Variants in DMD observed in about 807,000 individuals in gnomAD.
The protein encoded by DMD is dystrophin.
In DMD, 63 loss-of-function variants were observed where a neutral mutation model predicts 330.1. That is an observed-to-expected ratio of 0.19 (90% CI 0.16 to 0.24). The LOEUF (loss-of-function observed/expected upper bound fraction) is 0.24. DMD is among the 10% of genes least tolerant of loss of function. The pLI, the probability that DMD is intolerant of heterozygous loss-of-function variation, is 1.00. For synonymous variants in DMD, 1,223 were observed against 959.8 expected (o/e 1.27, Z -5.07); for missense variants, 3,344 against 2,684.1 (o/e 1.25, Z -5.43).
chrX:31,434,584 T>G (rs1388049315), intron 60 of DMD, among the ~76,000 whole-genome samples: 1 of 111,263 alleles, frequency 9.0e-6, no homozygotes, highest in African/African-American at 3.3e-5. Context: ...CAAGAAACCA[T>G]AACCTCCATG....
At chrX:33,326,604 A>G (rs1023598048) in intron 1 of DMD, among the ~76,000 whole-genome samples, 2 of 112,022 alleles carry the variant, frequency 1.8e-5, no homozygotes, top group Non-Finnish European at 3.8e-5. Context: ...GATTAGACTG[A>G]GCACATGGCA....
chrX:31,190,403 C>T (rs1299452336), intron 67 of DMD, among the ~76,000 whole-genome samples: 1 of 109,413 alleles, frequency 9.1e-6, no homozygotes, highest in African/African-American at 3.3e-5. Flanking sequence ...TGCACTGCTG[C>T]AGTCCTAACA....
At chrX:32,853,889 T>A (rs945188370) in intron 2 of DMD, among the ~76,000 whole-genome samples, 1 of 109,894 alleles carries the variant, frequency 9.1e-6, no homozygotes, top group African/African-American at 3.3e-5. Context: ...TGTAAAAAGA[T>A]ATTCCATGTC....
chrX:32,973,238 T>G (rs1454895088), intron 2 of DMD, among the ~76,000 whole-genome samples: 1 of 112,327 alleles, frequency 8.9e-6, no homozygotes, highest in Non-Finnish European at 1.9e-5. Context: ...GATTTTAAAT[T>G]TAATCATTTG....
chrX:32,572,683 T>G (rs895703457), intron 15 of DMD, among the ~76,000 whole-genome samples: 54 of 110,756 alleles, frequency 4.9e-4, no homozygotes, highest in African/African-American at 1.7e-3. Flanking sequence ...ATCAATGTCA[T>G]TTGATAGGCT....
intron 7 of DMD, among the ~76,000 whole-genome samples, chrX:32,787,243 TGTGTGAGA>T (rs1238535959): frequency 3.1e-4 from 29 of 93,581 alleles, no homozygotes; most frequent in Admixed American, 1.1e-3. Context: ...TGTGTGTGTG[TGTGTGAGA>T]GAGAGAGAGA....
At chrX:31,434,424 A>G (rs1023891386) in intron 60 of DMD, among the ~76,000 whole-genome samples, 2,108 of 50,728 alleles carry the variant, frequency 0.042, 45 homozygotes, top group East Asian at 0.091. Flanking sequence ...GCGCGCACAC[A>G]CACACACACA....
chrX:31,558,672 G>A (rs757738152), intron 55 of DMD, among the ~76,000 whole-genome samples: 28 of 108,996 alleles, frequency 2.6e-4, no homozygotes, highest in Admixed American at 2.2e-3. Context: ...ATATGTGTGC[G>A]TATATATATA....
chrX:33,266,420 C>T (rs1201233306), intron 1 of DMD, among the ~76,000 whole-genome samples: 5 of 111,656 alleles, frequency 4.5e-5, no homozygotes, highest in Non-Finnish European at 7.5e-5. Flanking sequence ...AAATAAATAA[C>T]CAAAAGAGAA....
chrX:31,226,788 A>C (rs1314601584), intron 63 of DMD, among the ~76,000 whole-genome samples: 1 of 111,713 alleles, frequency 9.0e-6, no homozygotes, highest in Non-Finnish European at 1.9e-5. Flanking sequence ...GCTAGTGTGG[A>C]GTTCCCTTAC....
chrX:33,029,323 T>C (rs1483114200), intron 1 of DMD, among the ~76,000 whole-genome samples: 1 of 112,322 alleles, frequency 8.9e-6, no homozygotes, highest in African/African-American at 3.2e-5. Flanking sequence ...GAAAGAATAT[T>C]TCTTGCAAAC....
intron 59 of DMD, among the ~76,000 whole-genome samples, chrX:31,468,538 T>C (rs889776389): frequency 9.0e-6 from 1 of 111,626 alleles, no homozygotes; most frequent in Non-Finnish European, 1.9e-5. Context: ...GAGACTCTTA[T>C]GATTTCTGTT....
chrX:33,060,159 A>G (rs1231543329), intron 1 of DMD, among the ~76,000 whole-genome samples: 1 of 111,305 alleles, frequency 9.0e-6, no homozygotes, highest in African/African-American at 3.3e-5. Flanking sequence ...ATTGAGCTCA[A>G]TTTGAATACA....
At chrX:32,015,433 C>T in intron 44 of DMD, among the ~76,000 whole-genome samples, 1 of 110,496 alleles carries the variant, frequency 9.1e-6, no homozygotes, top group Non-Finnish European at 1.9e-5. Flanking sequence ...TGTCAGAACC[C>T]CCTGGAGAGC....
intron 1 of DMD, among the ~76,000 whole-genome samples, chrX:33,181,715 C>A (rs2050011705): frequency 8.9e-6 from 1 of 111,992 alleles, no homozygotes; most frequent in Non-Finnish European, 1.9e-5. Context: ...AGCTGCGGAG[C>A]TATTGCACTG....
chrX:32,892,097 C>T (rs1354370453), intron 2 of DMD, among the ~76,000 whole-genome samples: 2 of 111,990 alleles, frequency 1.8e-5, no homozygotes, highest in African/African-American at 6.5e-5. Flanking sequence ...GAAATGCTTC[C>T]TCAGTGAGGC....
chrX:31,627,332 TTAAA>T (rs1264657666), intron 55 of DMD, among the ~76,000 whole-genome samples: 2 of 112,768 alleles, frequency 1.8e-5, no homozygotes, highest in East Asian at 5.5e-4. Flanking sequence ...CTGTAAAATA[TTAAA>T]TAAACACTCA....
intron 19 of DMD, among the ~76,000 whole-genome samples, chrX:32,496,931 G>A (rs751438965): frequency 8.0e-5 from 9 of 112,263 alleles, no homozygotes; most frequent in Non-Finnish European, 1.3e-4. Context: ...TGATGAAGGG[G>A]CTGGGCTACT....
chrX:32,726,484 G>C (rs1055495589), intron 7 of DMD, among the ~76,000 whole-genome samples: 1 of 110,837 alleles, frequency 9.0e-6, no homozygotes, highest in South Asian at 3.8e-4. Flanking sequence ...GGATCTTAAG[G>C]CATAAAAATA....
Sources: allele counts gnomAD v4.1 joint callset (sites outside exome capture counted in the v4.1 genomes callset), GRCh38; gene constraint gnomAD v4.1.1; transcripts MANE v1.5; gene names NCBI Gene and HGNC (gene_info 2026-07-23, HGNC 2026-07-21).